GSE1: variants seen among roughly 807,000 people sequenced by gnomAD.
GSE1 encodes the protein genetic suppressor element 1.
A neutral mutation model predicts 112.6 loss-of-function variants in GSE1; 32 were observed. The observed-to-expected ratio is 0.28, with a 90% CI of 0.21 to 0.38. The LOEUF (loss-of-function observed/expected upper bound fraction) is 0.38, where lower values mean the gene tolerates loss of function less well. Among genes scored for constraint, GSE1 ranks in the 10% least tolerant of loss-of-function variants. The probability of loss-of-function intolerance (pLI) is 1.00; values close to 1 mark genes in which losing one functional copy is unlikely to be tolerated. For synonymous variants in GSE1, 1,115 were observed against 735.6 expected, an observed-to-expected ratio of 1.52 and a Z score of -8.35; for missense variants, 2,348 against 1,699.2, an observed-to-expected ratio of 1.38 and a Z score of -6.71.
In GSE1 at chr16:85,387,497, C is replaced by G. The variant is rs115280453; in HGVS notation, c.2464+29854C>G. ...CAGAACTTTGCGGGACTGGCTTCTT[C>G]CCAGCCTTCAGGCCTCACTCAAATG... On this transcript the variant is annotated intron_variant, in intron 2 of 2. Coordinates refer to the GSE1 transcript ENST00000637419. 5.6e-3 allele frequency among the ~76,000 whole-genome samples: 855 copies of G among 152,384 alleles called. 7 individuals carry two copies. Among genetic ancestry groups the G allele is most frequent in the African/African-American group, 0.02 (820 of 41,586 alleles).
At chr16:85,356,118 T>C (rs571970760) in intron 1 of GSE1, among the ~76,000 whole-genome samples, 20 of 152,212 alleles carry the variant, frequency 1.3e-4, no homozygotes, top group Non-Finnish European at 2.4e-4. Flanking sequence ...ATCCGTATAG[T>C]TATAACTGGT....
At chr16:85,351,965 G>A (rs2046859233) in intron 1 of GSE1, among the ~76,000 whole-genome samples, 1 of 151,920 alleles carries the variant, frequency 6.6e-6, no homozygotes. Context: ...ACTCCAGCCT[G>A]GGCAACAGAG....
chr16:85,532,591 C>G (rs2044172177), intron 2 of GSE1, among the ~76,000 whole-genome samples: 1 of 152,146 alleles, frequency 6.6e-6, no homozygotes, highest in South Asian at 2.1e-4. Context: ...TTCCTGATTA[C>G]TGCCCTACAT....
At chr16:85,525,341 C>A (rs531365184) in intron 2 of GSE1, among the ~76,000 whole-genome samples, 1 of 151,944 alleles carries the variant, frequency 6.6e-6, no homozygotes, top group Non-Finnish European at 1.5e-5. Flanking sequence ...GGGCCCAGTG[C>A]GGCTGGCTCA....
intron 2 of GSE1, among the ~76,000 whole-genome samples, chr16:85,375,145 G>A (rs1203503071): frequency 1.3e-5 from 2 of 152,172 alleles, no homozygotes; most frequent in Non-Finnish European, 2.9e-5. Context: ...TGGGGTGCGA[G>A]GCCCTCAGGA....
At chr16:85,372,885 G>A (rs942133357) in intron 2 of GSE1, among the ~76,000 whole-genome samples, 1 of 152,246 alleles carries the variant, frequency 6.6e-6, no homozygotes, top group African/African-American at 2.4e-5. Context: ...CTAAGGAGGA[G>A]GGGAAAAGTG....
rs1373589951 is a variant in GSE1 at position 85,352,333 on chromosome 16, C to A, written c.2284-5130C>A. 3.3e-5 allele frequency among the ~76,000 whole-genome samples: 5 copies of A among 152,184 alleles called. No homozygotes were observed. The East Asian group carries it at 5.8e-4, about 18-fold the overall frequency. On this transcript the variant is annotated intron_variant, in intron 1 of 2. Coordinates refer to the GSE1 transcript ENST00000637419. ...TCCCCCTTTCATCCTTCCCCATTAA[C>A]TAACTAAAGCTTTAAAGGTGGTGGC...
intron 1 of GSE1, among the ~76,000 whole-genome samples, chr16:85,189,816 A>G (rs948321624): frequency 6.6e-6 from 1 of 152,162 alleles, no homozygotes; most frequent in Non-Finnish European, 1.5e-5. Flanking sequence ...TTTGTTCTTA[A>G]TATTTCTTTA....
At chr16:85,349,818 C>T (rs1409617090) in intron 1 of GSE1, among the ~76,000 whole-genome samples, 1 of 152,208 alleles carries the variant, frequency 6.6e-6, no homozygotes, top group African/African-American at 2.4e-5. Context: ...CTCAGCCCAT[C>T]AGCAAACCTC....
intron 1 of GSE1, among the ~76,000 whole-genome samples, chr16:85,342,985 G>A (rs750738998): frequency 6.6e-6 from 1 of 151,984 alleles, no homozygotes; most frequent in Non-Finnish European, 1.5e-5. Flanking sequence ...GGGGTGGCAG[G>A]CAGCAGGGAG....
rs556201072 is a variant in GSE1, at chr16:85,424,050, G to T, written c.2464+66407G>T. 4.6e-5 allele frequency among the ~76,000 whole-genome samples: 7 copies of T among 152,386 alleles called. No individual in the cohort carries two copies. In the East Asian group the frequency reaches 1.4e-3, roughly 29 times the overall value. On this transcript the variant is annotated intron_variant, in intron 2 of 2. Coordinates refer to the GSE1 transcript ENST00000637419. ...GGAGGCCAGAGCCTCCTCCATCCATGCCCCACAGCCCAGACCTCAGGATGC... is the reference window on the plus strand; with the variant it reads ...GGAGGCCAGAGCCTCCTCCATCCATTCCCCACAGCCCAGACCTCAGGATGC...
At chr16:85,497,413 G>A (rs2051217232) in intron 2 of GSE1, among the ~76,000 whole-genome samples, 1 of 152,224 alleles carries the variant, frequency 6.6e-6, no homozygotes, top group Admixed American at 6.5e-5. Flanking sequence ...GAATGGGGCT[G>A]TAGAGCCCTC....
intron 2 of GSE1, among the ~76,000 whole-genome samples, chr16:85,360,403 C>A (rs1412160626): frequency 1.3e-5 from 2 of 152,166 alleles, no homozygotes; most frequent in Admixed American, 6.5e-5. Context: ...GGGGCACGAA[C>A]CTGCGTCTGC....
intron 1 of GSE1, among the ~76,000 whole-genome samples, chr16:85,221,049 C>A (rs889717640): frequency 6.6e-6 from 1 of 151,728 alleles, no homozygotes; most frequent in Admixed American, 6.6e-5. Context: ...GCCCCCTCTC[C>A]GAGACCCTGC....
intron 1 of GSE1, among the ~76,000 whole-genome samples, chr16:85,621,985 A>G (rs1158004357): frequency 1.3e-5 from 2 of 152,130 alleles, no homozygotes; most frequent in African/African-American, 2.4e-5. Flanking sequence ...CCAGCTCCCA[A>G]CAGCCAGGTC....
At chr16:85,525,673 G>T (rs1266925806) in intron 2 of GSE1, among the ~76,000 whole-genome samples, 2 of 152,222 alleles carry the variant, frequency 1.3e-5, no homozygotes, top group African/African-American at 4.8e-5. Flanking sequence ...CCCTCAGGGG[G>T]CAGTGTGTTT....
intron 1 of GSE1, among the ~76,000 whole-genome samples, chr16:85,322,718 C>T (rs149221282): frequency 0.018 from 2,758 of 151,544 alleles, 41 homozygotes; most frequent in Middle Eastern, 0.044. Flanking sequence ...CGAGTTCAAG[C>T]GATTCTCCTG....
At chr16:85,430,865 C>G (rs868425842) in intron 2 of GSE1, among the ~76,000 whole-genome samples, 2 of 152,206 alleles carry the variant, frequency 1.3e-5, no homozygotes, top group Non-Finnish European at 1.5e-5. Context: ...GGCCCTGCCC[C>G]GGGGTCTCAG....
chr16:85,664,493 G>A (rs996977870), intron 11 of GSE1: 2 of 152,254 alleles, frequency 1.3e-5, no homozygotes, highest in African/African-American at 4.8e-5. Context: ...ATTTTTGGAG[G>A]AAAAAAAATT....
Sources: gnomAD v4.1 joint callset for allele counts (sites outside exome capture counted in the v4.1 genomes callset) on GRCh38, gnomAD v4.1.1 for gene constraint, MANE v1.5 for transcripts, NCBI Gene and HGNC (gene_info 2026-07-23, HGNC 2026-07-21) for gene names.